The following FANCB variants were observed in gnomAD, a reference collection of about 807,000 sequenced individuals.
The protein encoded by FANCB is Fanconi anemia group B protein.
FANCB carries 5 observed loss-of-function variants against 38.9 expected under a neutral mutation model. The ratio of observed to expected loss-of-function variants is 0.13; its 90% confidence interval spans 0.07 to 0.27. FANCB has a LOEUF of 0.27. Among genes scored for constraint, FANCB ranks in the 10% least tolerant of loss-of-function variants. FANCB has a pLI of 1.00. For synonymous variants in FANCB, 236 were observed against 215.4 expected (o/e 1.10, Z -0.84); for missense variants, 573 against 602.7 (o/e 0.95, Z 0.52).
In FANCB at chrX:14,865,384, A is replaced by T. The variant is rs771007866; in HGVS notation, c.127T>A (p.Leu43Ile). 140 of 1,204,167 alleles carry T rather than the reference A, an allele frequency of 1.2e-4. No homozygotes were observed. Among genetic ancestry groups the T allele is most frequent in the Non-Finnish European group, 1.4e-4 (125 of 890,412 alleles). Reference protein sequence around the residue: ...ADKEPTKTPILHVRRMVFDRG... With the variant: ...ADKEPTKTPIIHVRRMVFDRG... The stretch of plus-strand genomic sequence containing the variant: ...TCAAATACCATTCTTCTGACATGTA[A>T]TATGGGTGTTTTTGTAGGCTCTTTA... Residue 43 changes from leucine (L) to isoleucine (I), a missense_variant, in exon 3 of 10, where the codon TTA becomes ATA. By Grantham distance (5) the Leu-to-Ile change is conservative. Transcript: ENST00000650831.
At chrX:14,770,686 C>T in the FANCB span, among the ~76,000 whole-genome samples, 1 of 111,687 alleles carries the variant, frequency 9.0e-6, no homozygotes, top group Admixed American at 9.5e-5. Context: ...GTGATGCTAG[C>T]TGGTTATTTT....
At chrX:14,809,850 G>A in the FANCB span, among the ~76,000 whole-genome samples, 1 of 112,530 alleles carries the variant, frequency 8.9e-6, no homozygotes, top group East Asian at 2.8e-4. Context: ...GCACGCAGCT[G>A]GAGATCTGAG....
the FANCB span, among the ~76,000 whole-genome samples, chrX:14,769,663 A>G: frequency 9.0e-6 from 1 of 111,309 alleles, no homozygotes; most frequent in Non-Finnish European, 1.9e-5. Flanking sequence ...CCTTCAGTTC[A>G]GCTCTAATCT....
At chrX:14,766,690 T>C in the FANCB span, among the ~76,000 whole-genome samples, 3 of 110,957 alleles carry the variant, frequency 2.7e-5, no homozygotes, top group African/African-American at 9.8e-5. Context: ...TTAAATTTTC[T>C]TCAACTTATA....
the FANCB span, among the ~76,000 whole-genome samples, chrX:14,823,096 T>C: frequency 9.9e-6 from 1 of 100,639 alleles, no homozygotes; most frequent in South Asian, 4.9e-4. Context: ...TTTTTTTTTT[T>C]TTTTGAGACG....
At chrX:14,749,508 G>A in the FANCB span, among the ~76,000 whole-genome samples, 24 of 111,438 alleles carry the variant, frequency 2.2e-4, no homozygotes, top group Middle Eastern at 4.6e-3. Context: ...CACTACAGCC[G>A]TGTGGTAGGC....
At chrX:14,785,879 G>A in the FANCB span, among the ~76,000 whole-genome samples, 1 of 111,762 alleles carries the variant, frequency 8.9e-6, no homozygotes, top group South Asian at 3.8e-4. Flanking sequence ...AAGCTGGTGG[G>A]TGATTCCATT....
the FANCB span, among the ~76,000 whole-genome samples, chrX:14,808,406 A>C: frequency 8.9e-6 from 1 of 112,227 alleles, no homozygotes; most frequent in Middle Eastern, 4.6e-3. Context: ...AGGATGGTTC[A>C]GCATATGCAG....
chrX:14,872,666 G>A (rs1247438387), intron 1 of FANCB, among the ~76,000 whole-genome samples: 5 of 42,645 alleles, frequency 1.2e-4, no homozygotes, highest in African/African-American at 4.0e-4. Context: ...CCACCCCCCC[G>A]GCTGAACACA....
chrX:14,845,319 A>C, intron 7 of FANCB, 33 bp from the exon 8 acceptor site: 1 of 1,068,324 alleles, frequency 9.4e-7, no homozygotes, highest in Non-Finnish European at 1.3e-6. Context: ...TTTAATCTAA[A>C]AGCTCATTCT....
chrX:14,844,685 T>A lies in FANCB; in HGVS notation c.1983A>T (p.Gln661His). The A allele has an allele frequency of 8.3e-7, 1 of 1,211,385 alleles. No individual in the cohort carries two copies. Among genetic ancestry groups the A allele is most frequent in the Non-Finnish European group, 1.1e-6 (1 of 895,153 alleles). The stretch of plus-strand genomic sequence containing the variant: ...TCAGGGCATAGCCGGGTGATGTGAT[T>A]TGAAAACAAGATTTATGGAATGCTG... ...LLAAFHKSCF[Q>H]ITSPGYALNS... Residue 661 changes from glutamine (Q) to histidine (H), a missense_variant, in exon 9 of 10, where the codon CAA becomes CAT. Transcript: ENST00000650831.
the FANCB span, among the ~76,000 whole-genome samples, chrX:14,735,316 G>GT: frequency 9.0e-6 from 1 of 110,690 alleles, no homozygotes; most frequent in Non-Finnish European, 1.9e-5. Flanking sequence ...GAGGCATTCT[G>GT]TTTTTCGGAA....
At chrX:14,736,294 A>C in the FANCB span, among the ~76,000 whole-genome samples, 1 of 109,495 alleles carries the variant, frequency 9.1e-6, no homozygotes, top group Non-Finnish European at 1.9e-5. Context: ...AAAAAAAAAA[A>C]CTCCTACAGC....
At chrX:14,767,211 G>A in the FANCB span, among the ~76,000 whole-genome samples, 3 of 111,724 alleles carry the variant, frequency 2.7e-5, no homozygotes, top group African/African-American at 9.8e-5. Context: ...GCCCAGTAAT[G>A]GGATTGCTGG....
intron 10 of FANCB, among the ~76,000 whole-genome samples, chrX:14,837,371 G>A (rs1189912099): frequency 8.9e-6 from 1 of 112,354 alleles, no homozygotes; most frequent in African/African-American, 3.2e-5. Context: ...GCTATTTAGA[G>A]AACTGACACT....
intron 3 of FANCB, 76 bp downstream of exon 3, chrX:14,864,484 T>C (rs2092460153): frequency 1.5e-6 from 1 of 655,578 alleles, no homozygotes; most frequent in Non-Finnish European, 2.5e-6. Flanking sequence ...GACTCCAGAA[T>C]GAACTCTATG....
the FANCB span, among the ~76,000 whole-genome samples, chrX:14,724,324 T>C: frequency 1.8e-5 from 2 of 110,789 alleles, no homozygotes; most frequent in Non-Finnish European, 3.8e-5. Flanking sequence ...AATAAATATT[T>C]GTTAAAAATG....
chrX:14,732,433 G>T, the FANCB span, among the ~76,000 whole-genome samples: 2 of 111,893 alleles, frequency 1.8e-5, no homozygotes, highest in East Asian at 2.8e-4. Flanking sequence ...GGTATTTCTG[G>T]TTCTAGATCC....
At chrX:14,869,911 AATGACTATTT>A (rs2092487306) in intron 1 of FANCB, among the ~76,000 whole-genome samples, 1 of 112,145 alleles carries the variant, frequency 8.9e-6, no homozygotes, top group Non-Finnish European at 1.9e-5. Context: ...TAAAAACATA[AATGACTATTT>A]ATGACTATTG....
Sources: gnomAD v4.1 joint callset for allele counts (sites outside exome capture counted in the v4.1 genomes callset) on GRCh38, gnomAD v4.1.1 for gene constraint, MANE v1.5 for transcripts, NCBI Gene and HGNC (gene_info 2026-07-23, HGNC 2026-07-21) for gene names.